The following SLC9C1 variants were observed in gnomAD, a reference collection of about 807,000 sequenced individuals.
The protein encoded by SLC9C1 is solute carrier family 9 member C1.
SLC9C1 carries 97 observed loss-of-function variants against 140.9 expected under a neutral mutation model. The ratio of observed to expected loss-of-function variants is 0.69; its 90% confidence interval spans 0.58 to 0.82. The LOEUF is 0.82. Among genes scored for constraint, SLC9C1 ranks in the 40% least tolerant of loss-of-function variants. The pLI is 0.00. For synonymous variants in SLC9C1, 440 were observed against 442.6 expected, an observed-to-expected ratio of 0.99 and a Z score of 0.07; for missense variants, 1,340 against 1,389.3, an observed-to-expected ratio of 0.96 and a Z score of 0.56.
At chr3:112,247,667 C>T (rs944151138) in intron 10 of SLC9C1, among the ~76,000 whole-genome samples, 13 of 152,166 alleles carry the variant, frequency 8.5e-5, no homozygotes, top group African/African-American at 3.1e-4. Flanking sequence ...CAAGGTTGTG[C>T]TCAAATTCCT....
Position 112,288,042 on chromosome 3 carries a change from CAAAAAAAA to C in SLC9C1, c.-87-1172_-87-1165del, listed in dbSNP as rs11462109. 8.6e-5 allele frequency among the ~76,000 whole-genome samples: 7 copies of C among 81,804 alleles called. No individual in the cohort carries two copies. In the East Asian group the frequency reaches 2.7e-3, roughly 32 times the overall value. 53.7% of individuals were successfully genotyped at this position (81,804 alleles called of 152,430 possible). A position where few individuals can be genotyped will look rare whatever the true frequency, so the allele number is the denominator to read the frequency against. ...TGGGCCACAGAGCAAGACTCCGTCT[CAAAAAAAA>C]AAAAAAAAAAAAAAGGAAAAGGAAA... On this transcript the variant is annotated intron_variant, in intron 1 of 28. Transcript: ENST00000305815.
At chr3:112,293,738 C>A (rs915232681) in intron 1 of SLC9C1, among the ~76,000 whole-genome samples, 7 of 152,186 alleles carry the variant, frequency 4.6e-5, no homozygotes, top group African/African-American at 1.7e-4. Flanking sequence ...CAGCTCCACA[C>A]ACCTGAGGCG....
In SLC9C1 at chr3:112,221,216, G is replaced by A; in HGVS notation, c.1582C>T (p.Gln528Ter). 1 of 1,612,946 alleles carries A rather than the reference G, an allele frequency of 6.2e-7. No individual in the cohort carries two copies. The highest frequency in any genetic ancestry group is 1.3e-5 in the African/African-American group (1 of 74,956). The change falls in exon 14 of 29, where the codon CAG becomes TAG. Residue 528 changes from glutamine to a stop codon, truncating the protein, a stop_gained. Transcript: ENST00000305815. LOFTEE classifies it high-confidence loss of function. ...AGAATCTCATTCCTGTATTGTCTCT[G>A]GTAGCTTGCCTAAAAAAATATTAAT... ...RLLSAQIASY[Q>*]RQYRNEILSQ... is the part of the protein sequence containing the mutation.
intron 13 of SLC9C1, among the ~76,000 whole-genome samples, chr3:112,231,137 T>TCTC (rs1553801254): frequency 5.3e-4 from 79 of 148,122 alleles, no homozygotes; most frequent in African/African-American, 1.4e-3. Context: ...TCTCTCTCTC[T>TCTC]TTTTCTCCCT....
chr3:112,212,244 C>G (rs565714141), intron 15 of SLC9C1, among the ~76,000 whole-genome samples: 1 of 152,246 alleles, frequency 6.6e-6, no homozygotes, highest in African/African-American at 2.4e-5. Context: ...GATAAAACCA[C>G]AAAGATGGGG....
chr3:112,142,547 A>G (rs1000601609), intron 28 of SLC9C1, among the ~76,000 whole-genome samples: 16 of 152,148 alleles, frequency 1.1e-4, no homozygotes, highest in Admixed American at 2.0e-4. Context: ...GAAGATTATC[A>G]ATCTCCAGCA....
chr3:112,220,385 T>C (rs2078507084), intron 14 of SLC9C1, among the ~76,000 whole-genome samples: 1 of 152,146 alleles, frequency 6.6e-6, no homozygotes, highest in Non-Finnish European at 1.5e-5. Flanking sequence ...GGTTTAGGGG[T>C]ATGCACACCA....
intron 14 of SLC9C1, 134 bp from the exon 15 acceptor site, chr3:112,217,695 G>A: frequency 2.9e-6 from 2 of 690,180 alleles, no homozygotes; most frequent in Middle Eastern, 4.5e-4. Context: ...CATGATGGTT[G>A]GATTAAGACA....
At chr3:112,262,837 G>A in intron 10 of SLC9C1, 87 bp downstream of exon 10, 1 of 1,156,784 alleles carries the variant, frequency 8.6e-7, no homozygotes, top group Non-Finnish European at 1.1e-6. Context: ...GTGAAGTTGA[G>A]CTACCTCACT....
intron 3 of SLC9C1, 163 bp from the exon 4 acceptor site, chr3:112,279,020 T>C (rs559317932): frequency 1.7e-6 from 1 of 590,438 alleles, no homozygotes; most frequent in South Asian, 2.4e-5. Flanking sequence ...TACAAATAAT[T>C]GGCCATGGCT....
chr3:112,262,627 GT>G (rs1398566370), intron 10 of SLC9C1, among the ~76,000 whole-genome samples: 2 of 151,870 alleles, frequency 1.3e-5, no homozygotes, highest in Admixed American at 1.3e-4. Context: ...TCATAAGAAA[GT>G]TTTCACTTCT....
intron 15 of SLC9C1, among the ~76,000 whole-genome samples, chr3:112,214,300 T>A (rs13094420): frequency 0.45 from 69,051 of 151,822 alleles, 16,170 homozygotes; most frequent in East Asian, 0.63. Flanking sequence ...TTAAAAGAAC[T>A]AGAGAAGCAA....
intron 12 of SLC9C1, among the ~76,000 whole-genome samples, chr3:112,233,072 ATT>A (rs869095144): frequency 9.6e-5 from 8 of 83,758 alleles, no homozygotes; most frequent in Non-Finnish European, 1.7e-4. Flanking sequence ...TATATATTAT[ATT>A]TTTTTTTTTT....
At chr3:112,174,749 G>A (rs1236159791) in intron 23 of SLC9C1, among the ~76,000 whole-genome samples, 1 of 152,180 alleles carries the variant, frequency 6.6e-6, no homozygotes, top group Non-Finnish European at 1.5e-5. Context: ...CACTGCAACT[G>A]TAGTAGCAGA....
At chr3:112,267,314 C>T (rs551761642) in intron 7 of SLC9C1, among the ~76,000 whole-genome samples, 72 of 151,704 alleles carry the variant, frequency 4.7e-4, no homozygotes, top group South Asian at 1.7e-3. Context: ...TGGTGGCTCA[C>T]GCCTGTAATC....
chr3:112,269,505 G>A (rs1036381183), intron 7 of SLC9C1, among the ~76,000 whole-genome samples: 10 of 152,116 alleles, frequency 6.6e-5, no homozygotes, highest in South Asian at 2.1e-4. Context: ...TAATTTCTGC[G>A]AATTGTCTAC....
intron 23 of SLC9C1, among the ~76,000 whole-genome samples, chr3:112,174,421 G>T (rs936345985): frequency 9.2e-5 from 14 of 152,134 alleles, no homozygotes; most frequent in Non-Finnish European, 1.6e-4. Context: ...GGTAAGCTTG[G>T]GTGTAGCCCT....
chr3:112,164,839 T>C (rs1261696971), intron 26 of SLC9C1, among the ~76,000 whole-genome samples: 3 of 152,204 alleles, frequency 2.0e-5, no homozygotes, highest in Non-Finnish European at 4.4e-5. Flanking sequence ...ATTGGGGAAG[T>C]TCTCCTGGAT....
intron 26 of SLC9C1, among the ~76,000 whole-genome samples, chr3:112,164,079 A>G (rs1226092352): frequency 6.6e-6 from 1 of 151,952 alleles, no homozygotes; most frequent in Non-Finnish European, 1.5e-5. Flanking sequence ...GTTTTATCAG[A>G]GACTAGGATT....
Sources: allele counts gnomAD v4.1 joint callset (sites outside exome capture counted in the v4.1 genomes callset), GRCh38; gene constraint gnomAD v4.1.1; transcripts MANE v1.5; gene names NCBI Gene and HGNC (gene_info 2026-07-23, HGNC 2026-07-21).